CDH11: variants seen among roughly 807,000 people sequenced by gnomAD.
CDH11 encodes the protein cadherin-11.
A neutral mutation model predicts 67.8 loss-of-function variants in CDH11; 11 were observed. The ratio of observed to expected loss-of-function variants is 0.16; its 90% CI spans 0.10 to 0.27. The LOEUF is 0.27. Ranked by LOEUF, CDH11 falls within the 10% of genes least tolerant of loss-of-function variation. The pLI, the probability that CDH11 is intolerant of heterozygous loss-of-function variation, is 1.00. For synonymous variants in CDH11, 419 were observed against 400.0 expected (o/e 1.05, Z -0.57); for missense variants, 847 against 1,031.2 (o/e 0.82, Z 2.45).
intron 11 of CDH11, among the ~76,000 whole-genome samples, chr16:64,959,176 G>A (rs1024198316): frequency 2.6e-5 from 4 of 152,158 alleles, no homozygotes; most frequent in Non-Finnish European, 5.9e-5. Flanking sequence ...AAAACAAGAA[G>A]TACAATAAAG....
At chr16:64,988,024 C>T (rs2072529183) in intron 7 of CDH11, 133 bp downstream of exon 7, 1 of 643,664 alleles carries the variant, frequency 1.6e-6, no homozygotes, top group Non-Finnish European at 2.7e-6. Flanking sequence ...GCTCAGAGCT[C>T]AACTACAAAG....
At chr16:65,113,026 G>A (rs1429324848) in intron 1 of CDH11, among the ~76,000 whole-genome samples, 6 of 152,156 alleles carry the variant, frequency 3.9e-5, no homozygotes, top group Non-Finnish European at 7.3e-5. Context: ...GCTGGCTCAC[G>A]CCTGTAATCC....
At chr16:65,098,690 C>A (rs560468140) in intron 1 of CDH11, among the ~76,000 whole-genome samples, 1 of 152,046 alleles carries the variant, frequency 6.6e-6, no homozygotes. Context: ...TAGTATCACC[C>A]GTAGCATCTC....
Position 65,004,911 on chromosome 16 carries a change from C to A in CDH11, c.-42G>T. 6.8e-7 allele frequency: 1 copy of A among 1,471,174 alleles called. No homozygotes were observed. The highest frequency in any genetic ancestry group is 2.5e-5 in the East Asian group (1 of 39,600). The allele number at this position is 1,471,174 out of a possible 1,614,324, so 91.1% of individuals were successfully genotyped here. ...GGCACAGGAGAATGCAGCTGTCACC[C>A]CTTCCACCAACTGTACGGTGGTCTT... On this transcript the variant is annotated 5_prime_UTR_variant, in exon 3 of 13. Coordinates refer to ENST00000268603, the MANE Select transcript of CDH11 (RefSeq NM_001797.4).
At position 64,945,047 on chromosome 16, in the gene CDH11, C is replaced by G. The variant is rs1350654449; in HGVS notation, c.*2556G>C. On this transcript the variant is annotated 3_prime_UTR_variant, in exon 13 of 13. Coordinates refer to ENST00000268603, the MANE Select transcript of CDH11 (RefSeq NM_001797.4). ...GATTTTGATGAATTAATGAATGAAT[C>G]AATGAATGAATGATGACTAGAAACA... 4.8e-6 allele frequency: 1 copy of G among 206,614 alleles called. No homozygotes were observed. The highest frequency in any genetic ancestry group is 9.9e-6 in the Non-Finnish European group (1 of 101,388). 12.8% of individuals were successfully genotyped at this position (206,614 alleles called of 1,614,324 possible).
intron 1 of CDH11, among the ~76,000 whole-genome samples, chr16:65,079,820 A>G (rs1255678947): frequency 6.6e-6 from 1 of 152,156 alleles, no homozygotes; most frequent in African/African-American, 2.4e-5. Flanking sequence ...ATCCTTAAAA[A>G]TTCATCTCTT....
chr16:64,974,122 T>A (rs2072093456), intron 8 of CDH11, among the ~76,000 whole-genome samples: 1 of 152,188 alleles, frequency 6.6e-6, no homozygotes, highest in Non-Finnish European at 1.5e-5. Context: ...AGAATGGCAT[T>A]TACTGAGTTG....
chr16:65,053,837 C>G lies in CDH11; in HGVS notation c.-206G>C, dbSNP rs2074098349. ...CCCATTGGATACTTGCTGCCAATTTCTGTAACACACTCCACCCATCTGATT... is the reference window on the plus strand; with the variant it reads ...CCCATTGGATACTTGCTGCCAATTTGTGTAACACACTCCACCCATCTGATT... On this transcript the variant is annotated 5_prime_UTR_variant, in exon 2 of 13. Transcript: ENST00000268603. 2.2e-6 allele frequency: 1 copy of G among 455,922 alleles called. No individual in the cohort carries two copies. The highest frequency in any genetic ancestry group is 2.0e-5 in the African/African-American group (1 of 50,062). 28.2% of individuals were successfully genotyped at this position (455,922 alleles called of 1,614,324 possible).
chr16:64,971,446 CATT>C, intron 11 of CDH11, 130 bp downstream of exon 11: 1 of 607,540 alleles, frequency 1.6e-6, no homozygotes, highest in Non-Finnish European at 2.9e-6. Context: ...ACAGAGGTGG[CATT>C]ATTATTTCCG....
At chr16:64,963,731 G>C (rs775088703) in intron 11 of CDH11, among the ~76,000 whole-genome samples, 4 of 152,022 alleles carry the variant, frequency 2.6e-5, no homozygotes, top group Non-Finnish European at 5.9e-5. Flanking sequence ...CACCTTACCC[G>C]TAGAGGAATA....
intron 11 of CDH11, 45 bp from the exon 12 acceptor site, chr16:64,951,063 T>C (rs2071350410): frequency 6.3e-7 from 1 of 1,587,328 alleles, no homozygotes; most frequent in Non-Finnish European, 8.6e-7. Flanking sequence ...TCAAGACCAT[T>C]GGAATCACAG....
intron 1 of CDH11, among the ~76,000 whole-genome samples, chr16:65,119,367 G>A (rs909883960): frequency 2.6e-5 from 4 of 151,954 alleles, no homozygotes; most frequent in African/African-American, 9.7e-5. Flanking sequence ...AAAAAATTGC[G>A]CCATAACTAT....
chr16:64,999,255 T>G (rs1455010437), intron 3 of CDH11, among the ~76,000 whole-genome samples: 1 of 152,212 alleles, frequency 6.6e-6, no homozygotes, highest in East Asian at 1.9e-4. Flanking sequence ...CTGACTCCCA[T>G]TCCTTCATTT....
At chr16:65,000,767 CCA>C (rs1170269422) in intron 3 of CDH11, among the ~76,000 whole-genome samples, 2 of 151,916 alleles carry the variant, frequency 1.3e-5, no homozygotes, top group Non-Finnish European at 2.9e-5. Flanking sequence ...TGAGATCTTA[CCA>C]CTGTACTCCA....
chr16:64,983,090 G>T (rs1296338263), intron 7 of CDH11: 1 of 151,422 alleles, frequency 6.6e-6, no homozygotes, highest in Non-Finnish European at 1.5e-5. Flanking sequence ...TCTATTTTTG[G>T]CAAGTGACAA....
At position 64,982,481 on chromosome 16, in the gene CDH11, T is replaced by A. The variant is rs1418441265; in HGVS notation, c.1000-180A>T. On this transcript the variant is annotated intron_variant, in intron 7 of 12. Coordinates refer to ENST00000268603, the MANE Select transcript of CDH11 (RefSeq NM_001797.4). Reference sequence around the variant, plus strand: ...ATCACACAAATCAATTGCTGAAACCTAGAATGTGCTTAATGGGTCATTCGA... The same window carrying A: ...ATCACACAAATCAATTGCTGAAACCAAGAATGTGCTTAATGGGTCATTCGA... The A allele has an allele frequency of 1.2e-5, 7 of 598,668 alleles. No homozygotes were observed. In the Admixed American group the frequency reaches 2.1e-4, roughly 18 times the overall value. The allele number at this position is 598,668 out of a possible 1,614,324, so 37.1% of individuals were successfully genotyped here.
upstream of CDH11, among the ~76,000 whole-genome samples, chr16:65,122,993 C>T (rs1032758688): frequency 6.6e-6 from 1 of 152,194 alleles, no homozygotes; most frequent in Non-Finnish European, 1.5e-5. Context: ...GGCGCAGCGC[C>T]GGAGTCCTAG....
At chr16:65,058,634 G>C (rs1256562753) in intron 1 of CDH11, among the ~76,000 whole-genome samples, 2 of 152,140 alleles carry the variant, frequency 1.3e-5, no homozygotes, top group African/African-American at 2.4e-5. Flanking sequence ...AACCCATATG[G>C]TAAAGCATAT....
At chr16:65,017,183 G>C (rs1208532372) in intron 2 of CDH11, among the ~76,000 whole-genome samples, 1 of 152,064 alleles carries the variant, frequency 6.6e-6, no homozygotes, top group East Asian at 1.9e-4. Context: ...ATCTCATCCT[G>C]TAGTGAAGAA....
Sources: gnomAD v4.1 joint callset for allele counts (sites outside exome capture counted in the v4.1 genomes callset) on GRCh38, gnomAD v4.1.1 for gene constraint, MANE v1.5 for transcripts, NCBI Gene and HGNC (gene_info 2026-07-23, HGNC 2026-07-21) for gene names.